The following RUFY3 variants were observed in gnomAD, a reference collection of about 807,000 sequenced individuals.
RUFY3 encodes the protein protein RUFY3.
Under a neutral mutation model 84.0 loss-of-function variants are expected in RUFY3, and 34 were observed. The observed-to-expected ratio is 0.40, with a 90% CI of 0.31 to 0.54. RUFY3 has a LOEUF of 0.54. RUFY3 is among the 20% of genes least tolerant of loss of function. The probability of loss-of-function intolerance (pLI) is 0.39; values close to 1 mark genes in which losing one functional copy is unlikely to be tolerated. For synonymous variants in RUFY3, 242 were observed against 252.9 expected (o/e 0.96, Z 0.41); for missense variants, 507 against 736.8 (o/e 0.69, Z 3.61).
chr4:70,724,603 C>G (rs557568394), intron 1 of RUFY3, among the ~76,000 whole-genome samples: 1 of 152,216 alleles, frequency 6.6e-6, no homozygotes, highest in South Asian at 2.1e-4. Context: ...TTAAAGAAAT[C>G]AGATAAATAC....
intron 1 of RUFY3, among the ~76,000 whole-genome samples, chr4:70,708,140 A>G (rs1017596491): frequency 1.3e-5 from 2 of 152,162 alleles, no homozygotes; most frequent in African/African-American, 4.8e-5. Flanking sequence ...ATAAAAATAA[A>G]ATACATGAAC....
chr4:70,751,118 T>TA (rs144875527), intron 1 of RUFY3, among the ~76,000 whole-genome samples: 158 of 152,280 alleles, frequency 1.0e-3, no homozygotes, highest in African/African-American at 3.6e-3. Flanking sequence ...GCAGGTTTGT[T>TA]ACATGGGTAT....
In RUFY3 at chr4:70,762,628, T is replaced by G. The variant is rs1197728491; in HGVS notation, c.288T>G (p.Ser96=). 5 of 1,614,036 alleles carry G rather than the reference T, an allele frequency of 3.1e-6. No homozygotes were observed. Residue 96 remains serine (S), a synonymous_variant, in exon 2 of 18, where the codon TCT becomes TCG. Coordinates refer to ENST00000381006, the MANE Select transcript of RUFY3 (RefSeq NM_001037442.4). The stretch of plus-strand genomic sequence containing the variant: ...TGAACCTGGGGAGGACTCTTGACTC[T>G]GACTATGCACCTCTCCAGCAATTCT... ...SALNLGRTLD[S]DYAPLQQFFV...
chr4:70,749,482 A>G (rs761811032), intron 1 of RUFY3, among the ~76,000 whole-genome samples: 50 of 151,330 alleles, frequency 3.3e-4, no homozygotes, highest in Non-Finnish European at 3.4e-4. Flanking sequence ...GGTTTTGGTT[A>G]AGTAAGCTGA....
intron 1 of RUFY3, among the ~76,000 whole-genome samples, chr4:70,732,129 C>A (rs150578885): frequency 1.3e-5 from 2 of 152,282 alleles, no homozygotes; most frequent in East Asian, 3.9e-4. Flanking sequence ...GTAATGGACC[C>A]CTGACTCCCT....
intron 1 of RUFY3, among the ~76,000 whole-genome samples, chr4:70,708,150 C>T (rs764392587): frequency 6.6e-6 from 1 of 152,142 alleles, no homozygotes; most frequent in Non-Finnish European, 1.5e-5. Flanking sequence ...AATACATGAA[C>T]ACTTGAGACC....
chr4:70,784,808 G>A lies in RUFY3; in HGVS notation c.1000G>A (p.Asp334Asn). 6.2e-7 allele frequency: 1 copy of A among 1,603,442 alleles called. No homozygotes were observed. Among genetic ancestry groups the A allele is most frequent in the Non-Finnish European group, 8.5e-7 (1 of 1,175,744 alleles). The change falls in exon 10 of 18, where the codon GAC becomes AAC. Residue 334 changes from aspartate to asparagine, a missense_variant. Asp to Asn is a conservative substitution (Grantham distance 23). This residue lies in a region of RUFY3 where 334 missense variants were observed against 364.1 expected (regional missense o/e 0.92). Transcript: ENST00000381006. ...TTATCTTTTCAAGGGTCCCAAGCAA[G>A]ACAGAACTGCAGAAGGGCAAGCACT... ...LESNRKGPKQ[D>N]RTAEGQALSE...
chr4:70,783,490 A>G (rs577578708), intron 9 of RUFY3, among the ~76,000 whole-genome samples: 54 of 152,204 alleles, frequency 3.5e-4, no homozygotes, highest in Non-Finnish European at 6.5e-4. Flanking sequence ...TAAACATACT[A>G]TTACTTTTAT....
At chr4:70,718,075 G>T (rs1010795392), upstream of RUFY3, among the ~76,000 whole-genome samples, 1 of 151,778 alleles carries the variant, frequency 6.6e-6, no homozygotes, top group African/African-American at 2.4e-5. Context: ...AGTAGAGACG[G>T]GGTTTCACCG....
At chr4:70,738,828 C>T (rs913298650) in intron 1 of RUFY3, among the ~76,000 whole-genome samples, 5 of 151,212 alleles carry the variant, frequency 3.3e-5, no homozygotes, top group East Asian at 1.9e-4. Flanking sequence ...GCTGGAGTGC[C>T]GTGGCATGAT....
At chr4:70,761,283 T>C (rs1724996418) in intron 1 of RUFY3, among the ~76,000 whole-genome samples, 1 of 152,208 alleles carries the variant, frequency 6.6e-6, no homozygotes, top group Non-Finnish European at 1.5e-5. Context: ...CTAGCTATTA[T>C]GGGCCTGCTT....
In RUFY3 at chr4:70,713,014, A is replaced by AT. The variant is rs937552204; in HGVS notation, c.358+7729dup. ...TTGGTTTGAAATTGTGTGAAAGGAA[A>AT]TTTTTTTTTGTTTTGTTTGCTTTTT... On this transcript the variant is annotated intron_variant, in intron 1 of 11. Transcript: ENST00000417478. 2.6e-5 allele frequency among the ~76,000 whole-genome samples: 4 copies of AT among 151,698 alleles called. No homozygotes were observed. The East Asian group carries it at 5.8e-4, about 22-fold the overall frequency.
chr4:70,734,353 G>C (rs1024258354), intron 1 of RUFY3: 30 of 967,274 alleles, frequency 3.1e-5, no homozygotes, highest in Non-Finnish European at 3.7e-5. Context: ...TTTGTAATTG[G>C]CCCTTGGTGA....
chr4:70,726,478 C>T (rs1718262235), intron 1 of RUFY3, among the ~76,000 whole-genome samples: 1 of 152,128 alleles, frequency 6.6e-6, no homozygotes, highest in African/African-American at 2.4e-5. Flanking sequence ...TTCTCCTTAA[C>T]TCAGACTCTC....
intron 8 of RUFY3, among the ~76,000 whole-genome samples, chr4:70,780,540 G>T (rs751068265): frequency 7.9e-4 from 121 of 152,228 alleles, no homozygotes; most frequent in Non-Finnish European, 1.6e-3. Context: ...TGATCCACCC[G>T]CCTCGGCCTC....
chr4:70,775,310 G>A, intron 7 of RUFY3, 77 bp downstream of exon 7: 1 of 977,628 alleles, frequency 1.0e-6, no homozygotes, highest in South Asian at 1.6e-5. Context: ...TGCGCAGTGA[G>A]GATAAATTCA....
At chr4:70,731,813 C>T (rs1719320847) in intron 1 of RUFY3, among the ~76,000 whole-genome samples, 1 of 152,178 alleles carries the variant, frequency 6.6e-6, no homozygotes, top group South Asian at 2.1e-4. Context: ...AGCGATCACC[C>T]GCCTCAGCCT....
rs1292230973 is a variant in RUFY3 at position 70,750,384 on chromosome 4, TTA to T, written c.179-12132_179-12131del. Reference sequence around the variant, plus strand: ...AGCTAACAAAATTAACAACAAAGTCTTATAGTGTCTCAGCCCATTTTCAAAGT... The same window carrying T: ...AGCTAACAAAATTAACAACAAAGTCTTAGTGTCTCAGCCCATTTTCAAAGT... On this transcript the variant is annotated intron_variant, in intron 1 of 17. Coordinates refer to ENST00000381006, the MANE Select transcript of RUFY3 (RefSeq NM_001037442.4). Among the ~76,000 whole-genome samples, 31 of 152,218 alleles carry T rather than the reference TTA, an allele frequency of 2.0e-4. 1 individual carries two copies. Among genetic ancestry groups the T allele is most frequent in the Admixed American group, 5.9e-4 (9 of 15,270 alleles).
At chr4:70,793,555 T>C in intron 12 of RUFY3, 3 of 1,393,390 alleles carry the variant, frequency 2.2e-6, no homozygotes, top group South Asian at 1.6e-5. Flanking sequence ...AAATGGAAAA[T>C]CAGCTTTTCC....
Sources: allele counts gnomAD v4.1 joint callset (sites outside exome capture counted in the v4.1 genomes callset), GRCh38; gene constraint gnomAD v4.1.1; regional missense constraint gnomAD v4.1.1; transcripts MANE v1.5; gene names NCBI Gene and HGNC (gene_info 2026-07-23, HGNC 2026-07-21).